SMAP1: variants seen among roughly 807,000 people sequenced by gnomAD.
The protein encoded by SMAP1 is small ArfGAP 1.
In SMAP1, 24 loss-of-function variants were observed where a neutral mutation model predicts 58.5. The observed-to-expected ratio is 0.41, with a 90% CI of 0.30 to 0.58. SMAP1 has a LOEUF of 0.58. SMAP1 is among the 20% of genes least tolerant of loss of function. SMAP1 has a pLI of 0.29. For missense variants in SMAP1, 563 were observed against 566.3 expected (o/e 0.99, Z 0.06); for synonymous variants, 216 against 196.6 (o/e 1.10, Z -0.82).
intron 1 of SMAP1, among the ~76,000 whole-genome samples, chr6:70,672,893 TGAAA>T (rs993823136): frequency 2.0e-5 from 3 of 151,824 alleles, no homozygotes; most frequent in Admixed American, 6.6e-5. Flanking sequence ...TGTACCAGTA[TGAAA>T]GAACAGAAGA....
intron 4 of SMAP1, among the ~76,000 whole-genome samples, chr6:70,780,898 A>G (rs1005588158): frequency 2.6e-5 from 4 of 152,198 alleles, no homozygotes; most frequent in Non-Finnish European, 5.9e-5. Flanking sequence ...AGGATGTCAT[A>G]GTGTCTGAAT....
intron 2 of SMAP1, among the ~76,000 whole-genome samples, chr6:70,749,278 A>G (rs1017686009): frequency 1.3e-5 from 2 of 152,314 alleles, no homozygotes; most frequent in East Asian, 1.9e-4. Flanking sequence ...ACAGATCCCC[A>G]TGATTCAATC....
rs772478061 is a variant in SMAP1, at chr6:70,861,661, A to G, written c.*1327A>G. On this transcript the variant is annotated 3_prime_UTR_variant, in exon 11 of 11. Transcript: ENST00000370455. ...ACAAACTGCACCAGTTGCTGCTTCA[A>G]TTTATACCTCAATTTTCACTGTGTC... The G allele has an allele frequency of 5.6e-6, 9 of 1,612,904 alleles. No homozygotes were observed. The highest frequency in any genetic ancestry group is 1.7e-5 in the Admixed American group (1 of 59,966).
At chr6:70,700,439 C>T (rs188643620) in intron 1 of SMAP1, among the ~76,000 whole-genome samples, 149 of 152,294 alleles carry the variant, frequency 9.8e-4, no homozygotes, top group African/African-American at 3.3e-3. Flanking sequence ...GCTGCGATTA[C>T]AGGATGTACC....
chr6:70,697,158 G>T (rs985079073), intron 1 of SMAP1, among the ~76,000 whole-genome samples: 6 of 152,076 alleles, frequency 3.9e-5, no homozygotes, highest in African/African-American at 1.4e-4. Context: ...CAGTTCATTG[G>T]ATGTTGCTTT....
chr6:70,765,704 C>A lies in SMAP1; in HGVS notation c.339-7646C>A, dbSNP rs1033141367. ...GTATACTTGACAAATTTTTATTTTA[C>A]AATTTGTATTCACTTTTCTTTTTTT... On this transcript the variant is annotated intron_variant, in intron 3 of 10. Transcript: ENST00000370455. Among the ~76,000 whole-genome samples, 7 of 151,800 alleles carry A rather than the reference C, an allele frequency of 4.6e-5. No homozygotes were observed. In the South Asian group the frequency reaches 6.3e-4, roughly 14 times the overall value.
intron 1 of SMAP1, among the ~76,000 whole-genome samples, chr6:70,693,287 A>G (rs1261874650): frequency 7.0e-6 from 1 of 143,258 alleles, no homozygotes; most frequent in Non-Finnish European, 1.5e-5. Flanking sequence ...TTCTGTGAAG[A>G]ATGTCATCTT....
At chr6:70,742,731 C>T (rs1450180974) in intron 2 of SMAP1, among the ~76,000 whole-genome samples, 1 of 152,044 alleles carries the variant, frequency 6.6e-6, no homozygotes, top group African/African-American at 2.4e-5. Context: ...AAAGACATAC[C>T]CAAGACTGGA....
At chr6:70,835,066 G>A (rs1221012615) in intron 6 of SMAP1, among the ~76,000 whole-genome samples, 1 of 148,376 alleles carries the variant, frequency 6.7e-6, no homozygotes, top group African/African-American at 2.5e-5. Flanking sequence ...TAGCTAACAC[G>A]GTGAAACCCT....
At position 70,857,067 on chromosome 6, in the gene SMAP1, T is replaced by TAGA. The variant is rs757477239; in HGVS notation, c.961+40_961+42dup. On this transcript the variant is annotated intron_variant, in intron 9 of 10. Coordinates refer to ENST00000370455, the MANE Select transcript of SMAP1 (RefSeq NM_001044305.3). ...TGATATCTGCTTTCAGTGACATTAC[T>TAGA]AGAAGTACATCCTTTGTAATTATAT... 1.4e-5 allele frequency: 21 copies of TAGA among 1,547,066 alleles called. No individual in the cohort carries two copies. In the African/African-American group the frequency reaches 2.7e-4, roughly 20 times the overall value.
At chr6:70,752,158 A>G in intron 2 of SMAP1, among the ~76,000 whole-genome samples, 1 of 152,206 alleles carries the variant, frequency 6.6e-6, no homozygotes, top group East Asian at 1.9e-4. Context: ...ACTGAATCTT[A>G]GTGTCAGCCG....
At chr6:70,750,783 A>C (rs1197048392) in intron 2 of SMAP1, among the ~76,000 whole-genome samples, 2 of 152,154 alleles carry the variant, frequency 1.3e-5, no homozygotes, top group South Asian at 2.1e-4. Flanking sequence ...GGTTTATTAC[A>C]CCATTTCCAG....
rs368107965 is a variant in SMAP1 at position 70,829,682 on chromosome 6, A to G, written c.577-7259A>G. Among the ~76,000 whole-genome samples, 20 of 152,324 alleles carry G rather than the reference A, an allele frequency of 1.3e-4. No homozygotes were observed. The East Asian group carries it at 3.7e-3, about 28-fold the overall frequency. ...TACATTTTATGTTTCTTGTTGTTCT[A>G]AGATTCTAGGAATATTAAAGGAAAC... On this transcript the variant is annotated intron_variant, in intron 6 of 10. Transcript: ENST00000370455.
At chr6:70,839,975 T>C (rs1168994802) in intron 7 of SMAP1, among the ~76,000 whole-genome samples, 1 of 152,170 alleles carries the variant, frequency 6.6e-6, no homozygotes, top group Non-Finnish European at 1.5e-5. Context: ...TCAGGCTATT[T>C]ATCTGCTCAG....
intron 4 of SMAP1, among the ~76,000 whole-genome samples, chr6:70,786,342 TATC>T: frequency 6.9e-6 from 1 of 145,100 alleles, no homozygotes; most frequent in East Asian, 2.0e-4. Flanking sequence ...CCACAGCCAA[TATC>T]ATACTGAATG....
chr6:70,754,918 G>C (rs1194883917), intron 2 of SMAP1, 62 bp from the exon 3 acceptor site: 8 of 933,274 alleles, frequency 8.6e-6, no homozygotes. Flanking sequence ...GTATGTGTAT[G>C]TATGTGCAGG....
intron 2 of SMAP1, among the ~76,000 whole-genome samples, chr6:70,736,602 G>T (rs75043660): frequency 0.025 from 3,849 of 152,282 alleles, 189 homozygotes; most frequent in African/African-American, 0.089. Context: ...ATTAGTAGAT[G>T]TCTTTATTCT....
rs1462910844 is a variant in SMAP1, at chr6:70,836,338, G to A, written c.577-603G>A. ...TAGGGAAACTACCCCTTATAATACCGTCAAATCAACAGCACAGGAAAGACC... is the reference window on the plus strand; with the variant it reads ...TAGGGAAACTACCCCTTATAATACCATCAAATCAACAGCACAGGAAAGACC... On this transcript the variant is annotated intron_variant, in intron 6 of 10. Coordinates refer to ENST00000370455, the MANE Select transcript of SMAP1 (RefSeq NM_001044305.3). Among the ~76,000 whole-genome samples, 8 of 151,880 alleles carry A rather than the reference G, an allele frequency of 5.3e-5. No individual in the cohort carries two copies. In the East Asian group the frequency reaches 7.8e-4, roughly 15 times the overall value.
At chr6:70,755,846 T>C (rs545895825) in intron 3 of SMAP1, among the ~76,000 whole-genome samples, 1 of 152,182 alleles carries the variant, frequency 6.6e-6, no homozygotes, top group South Asian at 2.1e-4. Context: ...GTTATATTTA[T>C]GTGAGGCATT....
Sources: gnomAD v4.1 joint callset for allele counts (sites outside exome capture counted in the v4.1 genomes callset) on GRCh38, gnomAD v4.1.1 for gene constraint, MANE v1.5 for transcripts, NCBI Gene and HGNC (gene_info 2026-07-23, HGNC 2026-07-21) for gene names.